NRXN1: variants seen among roughly 807,000 people sequenced by gnomAD.
NRXN1 encodes neurexin 1, also known as neurexin-1.
A neutral mutation model predicts 150.9 loss-of-function variants in NRXN1; 39 were observed. That is an observed-to-expected ratio of 0.26 (90% CI 0.20 to 0.34). NRXN1 has a LOEUF of 0.34. Ranked by LOEUF, NRXN1 falls within the 10% of genes least tolerant of loss-of-function variation. The pLI is 1.00. For missense variants in NRXN1, 1,815 were observed against 1,949.9 expected, an observed-to-expected ratio of 0.93 and a Z score of 1.30; for synonymous variants, 924 against 757.0, an observed-to-expected ratio of 1.22 and a Z score of -3.62.
chr2:50,406,524 CT>C (rs1558676189), intron 17 of NRXN1, among the ~76,000 whole-genome samples: 1 of 152,084 alleles, frequency 6.6e-6, no homozygotes, highest in Non-Finnish European at 1.5e-5. Flanking sequence ...TTTGCATAAA[CT>C]TTGTTGTTTT....
intron 17 of NRXN1, among the ~76,000 whole-genome samples, chr2:50,238,884 G>A (rs2065723825): frequency 1.3e-5 from 2 of 151,958 alleles, no homozygotes; most frequent in Non-Finnish European, 2.9e-5. Flanking sequence ...CATGAATACT[G>A]TTAAAATGCA....
intron 2 of NRXN1, among the ~76,000 whole-genome samples, chr2:50,976,070 T>G (rs981007937): frequency 1.3e-5 from 2 of 152,100 alleles, no homozygotes; most frequent in Non-Finnish European, 2.9e-5. Context: ...TTGCTCCCAA[T>G]AATGCCTGTG....
intron 21 of NRXN1, among the ~76,000 whole-genome samples, chr2:50,018,030 T>C (rs931682809): frequency 1.3e-5 from 2 of 152,192 alleles, no homozygotes; most frequent in South Asian, 4.1e-4. Context: ...ACTTAACAGT[T>C]TGATAAACTT....
chr2:51,027,465 AG>A (rs762724787), intron 2 of NRXN1, 36 bp downstream of exon 2: 105 of 1,482,304 alleles, frequency 7.1e-5, no homozygotes, highest in Non-Finnish European at 9.2e-5. Context: ...AGCCCCGCCC[AG>A]GCCCCGGCCC....
chr2:50,112,425 C>T (rs571220060), intron 18 of NRXN1, among the ~76,000 whole-genome samples: 1 of 152,228 alleles, frequency 6.6e-6, no homozygotes, highest in Non-Finnish European at 1.5e-5. Flanking sequence ...GTTCAGCCTT[C>T]TCCGGTAGAC....
At chr2:50,440,470 T>G (rs2085852867) in intron 17 of NRXN1, among the ~76,000 whole-genome samples, 1 of 151,964 alleles carries the variant, frequency 6.6e-6, no homozygotes, top group Non-Finnish European at 1.5e-5. Flanking sequence ...TCTGCCCTTA[T>G]GAAGTCAAGA....
chr2:50,368,718 G>C (rs13005521), intron 17 of NRXN1, among the ~76,000 whole-genome samples: 41,635 of 151,768 alleles, frequency 0.27, 6,150 homozygotes, highest in East Asian at 0.55. Flanking sequence ...AGAGAAGTAG[G>C]CTAATTTTTT....
chr2:50,175,383 G>C (rs2060292620), intron 18 of NRXN1, among the ~76,000 whole-genome samples: 1 of 152,154 alleles, frequency 6.6e-6, no homozygotes, highest in African/African-American at 2.4e-5. Context: ...TTCATGTAAA[G>C]AGAATTTGGT....
chr2:50,932,807 A>C (rs932821925), intron 2 of NRXN1, among the ~76,000 whole-genome samples: 3 of 152,162 alleles, frequency 2.0e-5, no homozygotes, highest in African/African-American at 4.8e-5. Context: ...TCTTAACAGC[A>C]ATAGAATAAA....
At chr2:50,215,788 G>C (rs1326195315) in intron 18 of NRXN1, among the ~76,000 whole-genome samples, 4 of 152,046 alleles carry the variant, frequency 2.6e-5, no homozygotes. Context: ...AACTTCTGCA[G>C]AGCAGGCAAT....
intron 5 of NRXN1, among the ~76,000 whole-genome samples, chr2:50,657,273 T>C (rs941124326): frequency 5.3e-5 from 8 of 152,156 alleles, no homozygotes; most frequent in East Asian, 1.9e-4. Context: ...CTCCTTCCTC[T>C]GCCTGCTAAA....
chr2:50,084,946 T>C (rs541393526), intron 19 of NRXN1, among the ~76,000 whole-genome samples: 4 of 152,352 alleles, frequency 2.6e-5, no homozygotes, highest in East Asian at 1.9e-4. Context: ...AAAAGTTCAT[T>C]ATGTTTCATC....
At chr2:50,905,555 A>C (rs368320982) in intron 5 of NRXN1, among the ~76,000 whole-genome samples, 19 of 152,150 alleles carry the variant, frequency 1.2e-4, no homozygotes, top group South Asian at 8.3e-4. Context: ...GCCACACAAC[A>C]TCCCTCACTA....
chr2:50,520,975 T>C (rs2092772358), intron 12 of NRXN1, among the ~76,000 whole-genome samples: 1 of 152,090 alleles, frequency 6.6e-6, no homozygotes. Flanking sequence ...CTATAATATT[T>C]TGGTTTTAAT....
At chr2:50,184,113 T>G (rs1485229752) in intron 18 of NRXN1, among the ~76,000 whole-genome samples, 1 of 152,040 alleles carries the variant, frequency 6.6e-6, no homozygotes. Context: ...ACAGATGCAT[T>G]AGCTAATATT....
intron 5 of NRXN1, among the ~76,000 whole-genome samples, chr2:50,772,082 C>A (rs763155916): frequency 6.6e-6 from 1 of 151,952 alleles, no homozygotes; most frequent in Non-Finnish European, 1.5e-5. Context: ...GTACTGCCTG[C>A]TGAATACAAG....
chr2:50,260,629 G>GTTTT (rs10601394), intron 17 of NRXN1, among the ~76,000 whole-genome samples: 7 of 113,064 alleles, frequency 6.2e-5, no homozygotes, highest in African/African-American at 2.3e-4. Flanking sequence ...TTTTTTTTCC[G>GTTTT]TTTTTTTTTT....
chr2:50,973,417 T>C lies in NRXN1; in HGVS notation c.773-47462A>G, dbSNP rs111360088. 1.6e-3 allele frequency among the ~76,000 whole-genome samples: 250 copies of C among 152,286 alleles called. 3 individuals are homozygous for C. The highest frequency in any genetic ancestry group is 5.8e-3 in the African/African-American group (242 of 41,580). On this transcript the variant is annotated intron_variant, in intron 2 of 22. Transcript: ENST00000401669. ...TTACGGTATCTATATATGGTTCTCA[T>C]TTGTCTTAAAGATATCTCAGATTAA...
chr2:50,952,035 C>T (rs1244279482), intron 2 of NRXN1, among the ~76,000 whole-genome samples: 1 of 132,578 alleles, frequency 7.5e-6, no homozygotes, highest in Non-Finnish European at 1.5e-5. Flanking sequence ...GGCGGGATCT[C>T]GGCTCACTGC....
Sources: gnomAD v4.1 joint callset for allele counts (sites outside exome capture counted in the v4.1 genomes callset) on GRCh38, gnomAD v4.1.1 for gene constraint, MANE v1.5 for transcripts, NCBI Gene and HGNC (gene_info 2026-07-23, HGNC 2026-07-21) for gene names.